The following OGFRL1 variants were observed in gnomAD, a reference collection of about 807,000 sequenced individuals.
OGFRL1 encodes opioid growth factor receptor like 1.
Under a neutral mutation model 32.4 loss-of-function variants are expected in OGFRL1, and 26 were observed. The observed-to-expected ratio is 0.80, with a 90% CI of 0.59 to 1.11. OGFRL1 has a LOEUF of 1.11. Among genes scored for constraint, OGFRL1 ranks in the 50% most tolerant of loss-of-function variants. OGFRL1 has a pLI of 0.00. For synonymous variants in OGFRL1, 211 were observed against 201.2 expected (o/e 1.05, Z -0.41); for missense variants, 521 against 546.4 (o/e 0.95, Z 0.46).
Position 71,288,883 on chromosome 6 carries a change from G to GCCGCAGCTTGCGCCCCGCAGCC in OGFRL1, c.-46_-25dup. ...GCCATGCCCGGGCCCTAGAGCGCCT[G>GCCGCAGCTTGCGCCCCGCAGCC]CCGCAGCTTGCGCCCCGCAGCCCCG... On this transcript the variant is annotated 5_prime_UTR_variant, in exon 1 of 7. Transcript: ENST00000370435. 8.3e-7 allele frequency: 1 copy of GCCGCAGCTTGCGCCCCGCAGCC among 1,200,536 alleles called. No homozygotes were observed. The highest frequency in any genetic ancestry group is 1.0e-6 in the Non-Finnish European group (1 of 953,230). The allele number at this position is 1,200,536 out of a possible 1,614,324, so 74.4% of individuals were successfully genotyped here.
At chr6:71,295,126 TACAC>T (rs1261405222) in intron 3 of OGFRL1, 4 of 151,972 alleles carry the variant, frequency 2.6e-5, no homozygotes, top group Admixed American at 6.6e-5. Flanking sequence ...CTCCCTAGTA[TACAC>T]ACACACGCAC....
In OGFRL1 at chr6:71,307,825, A is replaced by C. The variant is rs1198538330; in HGVS notation, c.*5776A>C. 6.6e-6 allele frequency: 1 copy of C among 152,222 alleles called. No individual in the cohort carries two copies. The highest frequency in any genetic ancestry group is 1.5e-5 in the Non-Finnish European group (1 of 68,044). 9.4% of individuals were successfully genotyped at this position (152,222 alleles called of 1,614,324 possible). On this transcript the variant is annotated 3_prime_UTR_variant, in exon 7 of 7. Coordinates refer to ENST00000370435, the MANE Select transcript of OGFRL1 (RefSeq NM_024576.5). ...CAGATTTTGTTTCATGTGAAGAAAA[A>C]TAAAATACAAATGAAATAAAAGTCT...
intron 1 of OGFRL1, among the ~76,000 whole-genome samples, chr6:71,290,733 C>T (rs958599457): frequency 2.0e-5 from 3 of 152,188 alleles, no homozygotes; most frequent in Admixed American, 1.3e-4. Flanking sequence ...ACTTTTAAAG[C>T]GTATCCCAGA....
rs1033410924 is a variant in OGFRL1 at position 71,303,636 on chromosome 6, C to T, written c.*1587C>T. ...GAATATGTCAGTGTTCTATGGATTA[C>T]GAAATTAGTAATGTTGCTTAGCCCA... On this transcript the variant is annotated 3_prime_UTR_variant, in exon 7 of 7. Transcript: ENST00000370435. The T allele has an allele frequency of 1.3e-5, 2 of 152,110 alleles. No individual in the cohort carries two copies. The highest frequency in any genetic ancestry group is 2.9e-5 in the Non-Finnish European group (2 of 68,008). The allele number at this position is 152,110 out of a possible 1,614,324, so 9.4% of individuals were successfully genotyped here.
chr6:71,290,057 C>A (rs184357156), intron 1 of OGFRL1, among the ~76,000 whole-genome samples: 2 of 152,308 alleles, frequency 1.3e-5, no homozygotes, highest in Admixed American at 1.3e-4. Context: ...ACAGCTAACA[C>A]CGCCTCAGCC....
chr6:71,305,363 T>C lies in OGFRL1; in HGVS notation c.*3314T>C, dbSNP rs1766516254. The C allele has an allele frequency of 6.6e-6, 1 of 152,088 alleles. No individual in the cohort carries two copies. The allele number at this position is 152,088 out of a possible 1,614,324, so 9.4% of individuals were successfully genotyped here. On this transcript the variant is annotated 3_prime_UTR_variant, in exon 7 of 7. Transcript: ENST00000370435. Reference sequence around the variant, plus strand: ...ATTTCTGTACAGTAGAGAAAGAGTTTATAACATGAAGAATATTGTACCATT... The same window carrying C: ...ATTTCTGTACAGTAGAGAAAGAGTTCATAACATGAAGAATATTGTACCATT...
rs1480054712 is a variant in OGFRL1 at position 71,305,427 on chromosome 6, A to C, written c.*3378A>C. ...CTCGATCTCATAAGAAATTCAAAAG[A>C]ATAATGATAGAGGTGAAAATATGTT... On this transcript the variant is annotated 3_prime_UTR_variant, in exon 7 of 7. Transcript: ENST00000370435. 1.3e-5 allele frequency: 2 copies of C among 152,124 alleles called. No individual in the cohort carries two copies. Among genetic ancestry groups the C allele is most frequent in the African/African-American group, 4.8e-5 (2 of 41,462 alleles). 9.4% of individuals were successfully genotyped at this position (152,124 alleles called of 1,614,324 possible).
intron 1 of OGFRL1, chr6:71,291,693 T>C (rs182094936): frequency 1.3e-5 from 2 of 152,188 alleles, no homozygotes; most frequent in African/African-American, 2.4e-5. Context: ...TCCTGAGAAA[T>C]AGGTAGGGCT....
In OGFRL1 at chr6:71,308,425, T is replaced by G. The variant is rs1245133886; in HGVS notation, c.*6376T>G. 6.6e-6 allele frequency: 1 copy of G among 152,220 alleles called. No individual in the cohort carries two copies. The highest frequency in any genetic ancestry group is 2.4e-5 in the African/African-American group (1 of 41,458). The allele number at this position is 152,220 out of a possible 1,614,324, so 9.4% of individuals were successfully genotyped here. A position where few individuals can be genotyped will look rare whatever the true frequency, so the allele number is the denominator to read the frequency against. On this transcript the variant is annotated 3_prime_UTR_variant, in exon 7 of 7. Coordinates refer to ENST00000370435, the MANE Select transcript of OGFRL1 (RefSeq NM_024576.5). ...GTATTATCTAAGAAGGATGGTAGATTATGTCATTTTGGAAACTATTGTGTC... is the reference window on the plus strand; with the variant it reads ...GTATTATCTAAGAAGGATGGTAGATGATGTCATTTTGGAAACTATTGTGTC...
At position 71,305,279 on chromosome 6, in the gene OGFRL1, AAGG is replaced by A. The variant is rs1247662422; in HGVS notation, c.*3233_*3235del. Reference sequence around the variant, plus strand: ...TAATATTTTGTGCTTTCATATATCAAAGGAGATTATGTGAAACTATTTTTAAAT... The same window carrying A: ...TAATATTTTGTGCTTTCATATATCAAAGATTATGTGAAACTATTTTTAAAT... On this transcript the variant is annotated 3_prime_UTR_variant, in exon 7 of 7. Transcript: ENST00000370435. 1.3e-5 allele frequency: 2 copies of A among 152,074 alleles called. No homozygotes were observed. The highest frequency in any genetic ancestry group is 2.9e-5 in the Non-Finnish European group (2 of 67,916). The allele number at this position is 152,074 out of a possible 1,614,324, so 9.4% of individuals were successfully genotyped here.
rs1303579920 is a variant in OGFRL1, at chr6:71,293,525, T to G, written c.322-8T>G. 1.2e-6 allele frequency: 2 copies of G among 1,610,462 alleles called. No individual in the cohort carries two copies. The highest frequency in any genetic ancestry group is 2.2e-5 in the South Asian group (2 of 90,764). On this transcript the variant is annotated splice_polypyrimidine_tract_variant and splice_region_variant and intron_variant, in intron 2 of 6. Coordinates refer to ENST00000370435, the MANE Select transcript of OGFRL1 (RefSeq NM_024576.5). ...TGCTGGAGATTGATTTATTTTTTCC[T>G]TTAGCAGAACTTCAAAGATATCCGA...
At position 71,289,249 on chromosome 6, in the gene OGFRL1, C is replaced by T. The variant is rs564341804; in HGVS notation, c.234+79C>T. On this transcript the variant is annotated intron_variant, in intron 1 of 6. Coordinates refer to ENST00000370435, the MANE Select transcript of OGFRL1 (RefSeq NM_024576.5). ...AGGGGCAAGTGCCAAGCCGCCCTCG[C>T]GCTCGGAGGCCAGGGGCGCCAGGTG... 13 of 1,022,970 alleles carry T rather than the reference C, an allele frequency of 1.3e-5. No individual in the cohort carries two copies. The African/African-American group carries it at 2.1e-4, about 16-fold the overall frequency. 63.4% of individuals were successfully genotyped at this position (1,022,970 alleles called of 1,614,324 possible).
At position 71,305,456 on chromosome 6, in the gene OGFRL1, T is replaced by C. The variant is rs935821289; in HGVS notation, c.*3407T>C. 4.6e-5 allele frequency: 7 copies of C among 152,106 alleles called. No homozygotes were observed. The highest frequency in any genetic ancestry group is 1.0e-4 in the Non-Finnish European group (7 of 67,946). 9.4% of individuals were successfully genotyped at this position (152,106 alleles called of 1,614,324 possible). ...ATGATAGAGGTGAAAATATGTTTAC[T>C]TTCTCTAAATCAAGCCTAGTTGTCA... On this transcript the variant is annotated 3_prime_UTR_variant, in exon 7 of 7. Transcript: ENST00000370435.
At chr6:71,295,771 C>T (rs2149353716) in intron 3 of OGFRL1, 1 of 152,368 alleles carries the variant, frequency 6.6e-6, no homozygotes. Context: ...TTCTCCTTCT[C>T]ATTTCTTTTC....
rs1766401049 is a variant in OGFRL1 at position 71,301,766 on chromosome 6, T to G, written c.1073T>G (p.Leu358Ter). 1 of 1,613,872 alleles carries G rather than the reference T, an allele frequency of 6.2e-7. No homozygotes were observed. Among genetic ancestry groups the G allele is most frequent in the Non-Finnish European group, 8.5e-7 (1 of 1,179,990 alleles). The change falls in exon 7 of 7, where the codon TTA becomes TGA. Residue 358 changes from leucine to a stop codon, truncating the protein, a stop_gained. Transcript: ENST00000370435. LOFTEE classifies it low-confidence loss of function (END_TRUNC). The part of the protein sequence containing the change: ...DSKNSSSAVH[L>*]NSKTAEDKKV... The stretch of plus-strand genomic sequence containing the variant: ...AAAAATTCCTCCTCAGCTGTTCATT[T>G]AAATAGCAAAACAGCTGAAGACAAA...
chr6:71,295,748 CTTCTCCTTTGTT>C (rs760945711), intron 3 of OGFRL1: 1 of 152,136 alleles, frequency 6.6e-6, no homozygotes, highest in Non-Finnish European at 1.5e-5. Flanking sequence ...TCTCGTTTTC[CTTCTCCTTTGTT>C]TTCTCCTTCT....
chr6:71,291,645 G>A (rs1046383012), intron 1 of OGFRL1: 2 of 152,250 alleles, frequency 1.3e-5, no homozygotes, highest in Admixed American at 1.3e-4. Flanking sequence ...GGAAGAGCAG[G>A]AGCAGATGCT....
intron 6 of OGFRL1, among the ~76,000 whole-genome samples, chr6:71,297,464 A>T (rs1241780489): frequency 3.3e-5 from 5 of 152,160 alleles, no homozygotes; most frequent in Non-Finnish European, 7.4e-5. Context: ...TAATACTCAT[A>T]ACCAAAGTTT....
intron 3 of OGFRL1, among the ~76,000 whole-genome samples, chr6:71,294,021 G>A (rs1766130113): frequency 6.6e-6 from 1 of 152,156 alleles, no homozygotes; most frequent in African/African-American, 2.4e-5. Context: ...TGATTGAAAA[G>A]TGCTGTTTGT....
Sources: gnomAD v4.1 joint callset for allele counts (sites outside exome capture counted in the v4.1 genomes callset) on GRCh38, gnomAD v4.1.1 for gene constraint, MANE v1.5 for transcripts, NCBI Gene and HGNC (gene_info 2026-07-23, HGNC 2026-07-21) for gene names.